Variants in BMPER observed in about 807,000 individuals in gnomAD.
BMPER encodes BMP binding endothelial regulator, also known as BMP-binding endothelial regulator protein.
BMPER carries 45 observed loss-of-function variants against 87.3 expected under a neutral mutation model. The ratio of observed to expected loss-of-function variants is 0.52; its 90% CI spans 0.41 to 0.66. The LOEUF (loss-of-function observed/expected upper bound fraction) is 0.66, where lower values mean the gene tolerates loss of function less well. BMPER is among the 30% of genes least tolerant of loss of function. The pLI is 0.00. For missense variants in BMPER, 784 were observed against 867.5 expected (o/e 0.90, Z 1.21); for synonymous variants, 326 against 316.2 (o/e 1.03, Z -0.33).
chr7:34,095,831 C>A (rs1454035205), intron 13 of BMPER, among the ~76,000 whole-genome samples: 2 of 152,002 alleles, frequency 1.3e-5, no homozygotes, highest in East Asian at 1.9e-4. Context: ...TTTTATTCTG[C>A]ATGTAGTTTT....
intron 13 of BMPER, among the ~76,000 whole-genome samples, chr7:34,102,220 A>G (rs1222671796): frequency 6.6e-6 from 1 of 151,828 alleles, no homozygotes; most frequent in Admixed American, 6.6e-5. Flanking sequence ...CCAGTTCCTC[A>G]TGGTTATAGC....
At chr7:34,151,627 TCAGA>T (rs1791179356) in intron 14 of BMPER, among the ~76,000 whole-genome samples, 1 of 152,174 alleles carries the variant, frequency 6.6e-6, no homozygotes, top group South Asian at 2.1e-4. Flanking sequence ...TGCTGGTATA[TCAGA>T]CAGCAGCCAT....
intron 6 of BMPER, among the ~76,000 whole-genome samples, chr7:33,989,718 A>G (rs1290647487): frequency 2.6e-5 from 4 of 152,146 alleles, no homozygotes; most frequent in Non-Finnish European, 5.9e-5. Flanking sequence ...GGTAATGCCT[A>G]GGTTTTCTTC....
rs117235817 is a variant in BMPER, at chr7:34,039,320, C to T, written c.577-6986C>T. Among the ~76,000 whole-genome samples the T allele has an allele frequency of 8.7e-4, 132 of 152,248 alleles. 2 individuals carry two copies. The East Asian group carries it at 0.023, about 27-fold the overall frequency. Reference sequence around the variant, plus strand: ...TCATCCAGGAAAGTTATTAAAAATGCGCATTCCTGGACTGTGGTTTGAGGA... The same window carrying T: ...TCATCCAGGAAAGTTATTAAAAATGTGCATTCCTGGACTGTGGTTTGAGGA... On this transcript the variant is annotated intron_variant, in intron 6 of 14. Coordinates refer to ENST00000649409, the MANE Select transcript of BMPER (RefSeq NM_001365308.1).
chr7:33,979,703 G>T (rs1342650216), intron 6 of BMPER, among the ~76,000 whole-genome samples: 2 of 152,170 alleles, frequency 1.3e-5, no homozygotes, highest in African/African-American at 2.4e-5. Context: ...GAGTTGTGTG[G>T]GTGTGTGAAG....
chr7:34,023,985 A>G (rs569243170), intron 6 of BMPER, among the ~76,000 whole-genome samples: 3 of 151,952 alleles, frequency 2.0e-5, no homozygotes, highest in Non-Finnish European at 4.4e-5. Context: ...TCCAATGGTT[A>G]TTTTTCAAGA....
chr7:34,121,959 AT>A (rs11444838), intron 13 of BMPER, among the ~76,000 whole-genome samples: 30 of 148,784 alleles, frequency 2.0e-4, no homozygotes, highest in Admixed American at 3.4e-4. Flanking sequence ...CATCTCTACA[AT>A]TTTTTTTTTT....
chr7:34,125,747 G>A (rs1790385572), intron 13 of BMPER, among the ~76,000 whole-genome samples: 1 of 152,168 alleles, frequency 6.6e-6, no homozygotes, highest in South Asian at 2.1e-4. Context: ...CCCAAGACAT[G>A]TGTTGAATTA....
chr7:34,084,509 C>T (rs1321635861), intron 12 of BMPER, among the ~76,000 whole-genome samples: 1 of 152,126 alleles, frequency 6.6e-6, no homozygotes, highest in African/African-American at 2.4e-5. Context: ...CAAAGTTCAC[C>T]CATTCACTGG....
intron 13 of BMPER, among the ~76,000 whole-genome samples, chr7:34,104,315 C>T (rs1789761467): frequency 6.6e-6 from 1 of 152,196 alleles, no homozygotes; most frequent in Non-Finnish European, 1.5e-5. Flanking sequence ...GAGAGATAAG[C>T]TCTTGAGGAA....
At chr7:34,135,471 C>A (rs1455642494) in intron 13 of BMPER, among the ~76,000 whole-genome samples, 1 of 152,178 alleles carries the variant, frequency 6.6e-6, no homozygotes, top group African/African-American at 2.4e-5. Flanking sequence ...AAAGAAATGT[C>A]ATAACCAGCA....
At chr7:33,981,834 T>A (rs1456686568) in intron 6 of BMPER, among the ~76,000 whole-genome samples, 1 of 152,196 alleles carries the variant, frequency 6.6e-6, no homozygotes, top group Non-Finnish European at 1.5e-5. Flanking sequence ...GAGCTTATGA[T>A]AAATTGTTTG....
At chr7:33,954,740 C>T (rs1379557257) in intron 3 of BMPER, among the ~76,000 whole-genome samples, 1 of 152,168 alleles carries the variant, frequency 6.6e-6, no homozygotes, top group Non-Finnish European at 1.5e-5. Flanking sequence ...CCCATGAGTG[C>T]CTGCTTTAAT....
intron 14 of BMPER, among the ~76,000 whole-genome samples, chr7:34,149,823 G>A (rs1329809423): frequency 1.1e-5 from 1 of 91,428 alleles, no homozygotes; most frequent in African/African-American, 3.4e-5. Flanking sequence ...TCAAGGGGTG[G>A]GTGAGGAAGA....
intron 13 of BMPER, among the ~76,000 whole-genome samples, chr7:34,125,346 A>G (rs970270941): frequency 2.6e-5 from 4 of 152,054 alleles, no homozygotes; most frequent in Non-Finnish European, 5.9e-5. Context: ...CCCCTCCTCA[A>G]TGAAGTTTTC....
chr7:34,098,633 A>T (rs1388121794), intron 13 of BMPER, among the ~76,000 whole-genome samples: 1 of 152,190 alleles, frequency 6.6e-6, no homozygotes, highest in Non-Finnish European at 1.5e-5. Flanking sequence ...CAAATGGCCC[A>T]TCTGCGAGCA....
chr7:33,974,155 T>G (rs1785620312), intron 5 of BMPER, among the ~76,000 whole-genome samples: 1 of 152,184 alleles, frequency 6.6e-6, no homozygotes, highest in African/African-American at 2.4e-5. Context: ...GGTGAGTTAC[T>G]TTCCCCTCTG....
At chr7:33,932,417 C>T (rs1221404127) in intron 2 of BMPER, among the ~76,000 whole-genome samples, 1 of 152,204 alleles carries the variant, frequency 6.6e-6, no homozygotes, top group Non-Finnish European at 1.5e-5. Context: ...AAAGATCTGT[C>T]ACTTTGAATT....
intron 6 of BMPER, among the ~76,000 whole-genome samples, chr7:33,994,302 G>T (rs1295748299): frequency 6.6e-6 from 1 of 152,238 alleles, no homozygotes; most frequent in Admixed American, 6.5e-5. Context: ...TCCGAGCCAG[G>T]TGCGGGATAT....
Sources: gnomAD v4.1 joint callset for allele counts (sites outside exome capture counted in the v4.1 genomes callset) on GRCh38, gnomAD v4.1.1 for gene constraint, MANE v1.5 for transcripts, NCBI Gene and HGNC (gene_info 2026-07-23, HGNC 2026-07-21) for gene names.